The following SENP1 variants were observed in gnomAD, a reference collection of about 807,000 sequenced individuals.
SENP1 encodes SUMO specific peptidase 1, also known as sentrin-specific protease 1.
A neutral mutation model predicts 93.0 loss-of-function variants in SENP1; 21 were observed. That is an observed-to-expected ratio of 0.23 (90% CI 0.16 to 0.33). The LOEUF (loss-of-function observed/expected upper bound fraction) is 0.33. SENP1 is among the 10% of genes least tolerant of loss of function. The probability of loss-of-function intolerance (pLI) is 1.00; values close to 1 mark genes in which losing one functional copy is unlikely to be tolerated. For missense variants in SENP1, 591 were observed against 758.7 expected (o/e 0.78, Z 2.60); for synonymous variants, 256 against 259.6 (o/e 0.99, Z 0.13).
intron 11 of SENP1, 72 bp from the exon 12 acceptor site, chr12:48,065,292 T>C: frequency 8.2e-7 from 1 of 1,221,742 alleles, no homozygotes; most frequent in South Asian, 1.5e-5. Flanking sequence ...GATAGGGTTA[T>C]GTCCCAATAA....
intron 12 of SENP1, among the ~76,000 whole-genome samples, chr12:48,064,232 G>C (rs1943140587): frequency 6.6e-6 from 1 of 152,176 alleles, no homozygotes; most frequent in African/African-American, 2.4e-5. Flanking sequence ...AGTAAAGGCA[G>C]TATCTTTTAG....
At chr12:48,070,122 A>C (rs530476067) in intron 9 of SENP1, among the ~76,000 whole-genome samples, 1 of 152,210 alleles carries the variant, frequency 6.6e-6, no homozygotes, top group South Asian at 2.1e-4. Context: ...GTTGAGACCT[A>C]AAAGATAAAA....
At chr12:48,050,327 G>A (rs1941702934) in intron 13 of SENP1, among the ~76,000 whole-genome samples, 1 of 152,228 alleles carries the variant, frequency 6.6e-6, no homozygotes, top group Admixed American at 6.5e-5. Context: ...TACTGGGTAG[G>A]CAGCAGGGGA....
Position 48,092,784 on chromosome 12 carries a change from A to G in SENP1, c.220+3559T>C, listed in dbSNP as rs1308372744. Reference sequence around the variant, plus strand: ...TGTGGTATGAGGATAAACATAAGAAAAATGTAATTCTCAACAATTACGTAA... The same window carrying G: ...TGTGGTATGAGGATAAACATAAGAAGAATGTAATTCTCAACAATTACGTAA... On this transcript the variant is annotated intron_variant, in intron 4 of 17. Transcript: ENST00000549518. Among the ~76,000 whole-genome samples the G allele has an allele frequency of 2.0e-5, 3 of 152,240 alleles. No homozygotes were observed. The East Asian group carries it at 5.8e-4, about 29-fold the overall frequency.
At chr12:48,089,191 G>A in intron 4 of SENP1, 1 of 1,511,792 alleles carries the variant, frequency 6.6e-7, no homozygotes, top group Non-Finnish European at 8.9e-7. Context: ...GCTGAATCCT[G>A]CCACAGCCAT....
intron 1 of SENP1, among the ~76,000 whole-genome samples, chr12:48,104,123 A>C (rs1946177394): frequency 6.6e-6 from 1 of 151,958 alleles, no homozygotes; most frequent in African/African-American, 2.4e-5. Context: ...AGGCAGGAGA[A>C]TCGCTTGAAC....
intron 5 of SENP1, among the ~76,000 whole-genome samples, chr12:48,084,114 A>C (rs1486645496): frequency 3.9e-5 from 6 of 152,232 alleles, no homozygotes; most frequent in African/African-American, 1.4e-4. Context: ...TATGCTAACA[A>C]CACATACATT....
At chr12:48,052,908 CG>C (rs1183137364) in intron 13 of SENP1, among the ~76,000 whole-genome samples, 2 of 152,156 alleles carry the variant, frequency 1.3e-5, no homozygotes, top group Non-Finnish European at 2.9e-5. Flanking sequence ...TTATTCTACA[CG>C]TAAGTGTACA....
intron 13 of SENP1, among the ~76,000 whole-genome samples, chr12:48,053,926 T>C (rs1942015282): frequency 6.6e-6 from 1 of 152,114 alleles, no homozygotes; most frequent in African/African-American, 2.4e-5. Context: ...GTTTATAGAG[T>C]AGAACCCATC....
At chr12:48,102,144 G>C (rs1945979246) in intron 1 of SENP1, among the ~76,000 whole-genome samples, 1 of 152,148 alleles carries the variant, frequency 6.6e-6, no homozygotes, top group African/African-American at 2.4e-5. Flanking sequence ...CAAACTGCTG[G>C]CCGGGTGCAG....
At chr12:48,105,003 CAA>C (rs1319226700) in intron 1 of SENP1, 1 of 166,242 alleles carries the variant, frequency 6.0e-6, no homozygotes, top group Non-Finnish European at 1.3e-5. Flanking sequence ...ACTGTAATTT[CAA>C]AGTCAGGGTA....
intron 6 of SENP1, chr12:48,081,569 C>CA (rs1944492350): frequency 9.3e-6 from 1 of 107,004 alleles, no homozygotes; most frequent in South Asian, 3.2e-4. Flanking sequence ...GGTGTTTTTT[C>CA]GTTTTTTTTT....
intron 2 of SENP1, among the ~76,000 whole-genome samples, chr12:48,100,778 T>G (rs1451446719): frequency 3.9e-5 from 6 of 152,176 alleles, no homozygotes; most frequent in Admixed American, 2.0e-4. Context: ...AGTTTCCTTG[T>G]GATATAATAG....
intron 2 of SENP1, among the ~76,000 whole-genome samples, chr12:48,100,484 A>T (rs1377842882): frequency 6.6e-6 from 1 of 151,546 alleles, no homozygotes; most frequent in Admixed American, 6.6e-5. Context: ...TACAAAAATT[A>T]GCCGGACTTG....
At chr12:48,100,208 A>C (rs1368079903) in intron 2 of SENP1, among the ~76,000 whole-genome samples, 5 of 152,262 alleles carry the variant, frequency 3.3e-5, no homozygotes, top group Admixed American at 3.3e-4. Context: ...AACAGACATA[A>C]AGTACTACAA....
At position 48,096,948 on chromosome 12, in the gene SENP1, G is replaced by C. The variant is rs968512973; in HGVS notation, c.136-521C>G. Among the ~76,000 whole-genome samples, 10 of 151,902 alleles carry C rather than the reference G, an allele frequency of 6.6e-5. No individual in the cohort carries two copies. The South Asian group carries it at 2.1e-3, about 32-fold the overall frequency. ...TGGAGAGACCCCGTCTCTAAATAAA[G>C]ACTATAGCAGAACTAAGACTATTTC... On this transcript the variant is annotated intron_variant, in intron 3 of 17. Coordinates refer to ENST00000549518, the MANE Select transcript of SENP1 (RefSeq NM_001267594.2).
chr12:48,044,997 C>T lies in SENP1; in HGVS notation c.*325G>A. ...AAACCAAGATTCTTTCCAAGCTTTT[C>T]TCAGTCCCATAATTAGGGACTGAGT... On this transcript the variant is annotated 3_prime_UTR_variant, in exon 18 of 18. Transcript: ENST00000549518. The T allele has an allele frequency of 3.1e-6, 1 of 324,268 alleles. No homozygotes were observed. Among genetic ancestry groups the T allele is most frequent in the Non-Finnish European group, 5.7e-6 (1 of 174,858 alleles). The allele number at this position is 324,268 out of a possible 1,614,324, so 20.1% of individuals were successfully genotyped here. A position where few individuals can be genotyped will look rare whatever the true frequency, so the allele number is the denominator to read the frequency against.
intron 9 of SENP1, among the ~76,000 whole-genome samples, chr12:48,067,698 G>A (rs979496941): frequency 6.6e-6 from 1 of 152,188 alleles, no homozygotes; most frequent in African/African-American, 2.4e-5. Flanking sequence ...CAGAGGCCAG[G>A]CATGGTGGCT....
chr12:48,085,106 C>A, intron 5 of SENP1: 3 of 1,383,922 alleles, frequency 2.2e-6, no homozygotes, highest in Non-Finnish European at 2.0e-6. Flanking sequence ...GAGACAAGGA[C>A]ACGGTGACTG....
Sources: allele counts gnomAD v4.1 joint callset (sites outside exome capture counted in the v4.1 genomes callset), GRCh38; gene constraint gnomAD v4.1.1; transcripts MANE v1.5; gene names NCBI Gene and HGNC (gene_info 2026-07-23, HGNC 2026-07-21).